Variants in TRHDE observed in about 807,000 individuals in gnomAD.
TRHDE encodes thyrotropin releasing hormone degrading enzyme.
A neutral mutation model predicts 125.7 loss-of-function variants in TRHDE; 72 were observed. The observed-to-expected ratio is 0.57, with a 90% CI of 0.47 to 0.70. The LOEUF (loss-of-function observed/expected upper bound fraction) is 0.70, where lower values mean the gene tolerates loss of function less well. Ranked by LOEUF, TRHDE falls within the 30% of genes least tolerant of loss-of-function variation. TRHDE has a pLI of 0.00. For missense variants in TRHDE, 1,110 were observed against 1,327.1 expected, an observed-to-expected ratio of 0.84 and a Z score of 2.54; for synonymous variants, 509 against 509.1, an observed-to-expected ratio of 1.00 and a Z score of 0.00.
intron 2 of TRHDE, among the ~76,000 whole-genome samples, chr12:72,296,320 C>G (rs547371805): frequency 4.6e-5 from 7 of 152,292 alleles, no homozygotes; most frequent in Middle Eastern, 3.4e-3. Flanking sequence ...AGTATCATCA[C>G]TTTTAAGGAC....
At chr12:72,374,000 A>C (rs1029998911) in intron 2 of TRHDE, among the ~76,000 whole-genome samples, 12 of 152,292 alleles carry the variant, frequency 7.9e-5, no homozygotes, top group Admixed American at 5.9e-4. Context: ...TACTGTATAC[A>C]TAACAGCTTG....
intron 3 of TRHDE, among the ~76,000 whole-genome samples, chr12:72,463,031 T>C (rs1272852586): frequency 6.6e-6 from 1 of 152,218 alleles, no homozygotes; most frequent in Non-Finnish European, 1.5e-5. Context: ...ATTTATTCTG[T>C]TCTGAAACCA....
chr12:72,424,380 T>A (rs1463913023), intron 3 of TRHDE, among the ~76,000 whole-genome samples: 1 of 152,174 alleles, frequency 6.6e-6, no homozygotes, highest in Non-Finnish European at 1.5e-5. Context: ...CATCTTAAAT[T>A]GCTTCAAGCT....
intron 3 of TRHDE, among the ~76,000 whole-genome samples, chr12:72,441,945 T>A (rs1875034992): frequency 1.3e-5 from 2 of 151,920 alleles, no homozygotes; most frequent in East Asian, 3.9e-4. Context: ...CAGAATTTTT[T>A]AGAACATTCC....
intron 9 of TRHDE, 78 bp downstream of exon 9, chr12:72,563,118 TAAC>T: frequency 9.1e-7 from 1 of 1,100,604 alleles, no homozygotes; most frequent in Non-Finnish European, 1.3e-6. Flanking sequence ...AGAGCATTAA[TAAC>T]AAAATTCTGA....
At chr12:72,248,681 TGAGCC>T (rs1878622687) in intron 2 of TRHDE, among the ~76,000 whole-genome samples, 1 of 152,178 alleles carries the variant, frequency 6.6e-6, no homozygotes, top group African/African-American at 2.4e-5. Context: ...GAATTGCTAT[TGAGCC>T]CTCCTGTTCT....
At chr12:72,103,800 A>G (rs2139290683) in intron 1 of TRHDE, among the ~76,000 whole-genome samples, 1 of 152,288 alleles carries the variant, frequency 6.6e-6, no homozygotes, top group Non-Finnish European at 1.5e-5. Context: ...GGATGTAGAA[A>G]ATAATAGTGC....
intron 2 of TRHDE, among the ~76,000 whole-genome samples, chr12:72,304,067 G>C (rs928250387): frequency 1.3e-5 from 2 of 152,128 alleles, no homozygotes; most frequent in South Asian, 4.1e-4. Flanking sequence ...TTGTCACATA[G>C]CTCGTGGATG....
chr12:72,627,837 C>T (rs1380526280), intron 15 of TRHDE, among the ~76,000 whole-genome samples: 1 of 149,790 alleles, frequency 6.7e-6, no homozygotes, highest in Non-Finnish European at 1.5e-5. Context: ...CACACCACCA[C>T]ACCTGGCTAA....
rs185226836 is a variant in TRHDE at position 72,577,247 on chromosome 12, G to C, written c.2321+1705G>C. ...AAAGAAAGCTGTTTTCATTAGCTAA[G>C]AATTATTTAGCACTTTTAAGGAGCC... On this transcript the variant is annotated intron_variant, in intron 12 of 18. Transcript: ENST00000261180. Among the ~76,000 whole-genome samples, 6 of 152,250 alleles carry C rather than the reference G, an allele frequency of 3.9e-5. 1 individual carries two copies. The highest frequency in any genetic ancestry group is 2.4e-5 in the African/African-American group (1 of 41,554).
upstream of TRHDE, among the ~76,000 whole-genome samples, chr12:72,268,851 A>C (rs1208005943): frequency 2.0e-5 from 3 of 152,130 alleles, no homozygotes; most frequent in Non-Finnish European, 4.4e-5. Flanking sequence ...CCCTGAATCA[A>C]ATATGGCCAC....
In TRHDE at chr12:72,653,129, G is replaced by A. The variant is rs1874573068; in HGVS notation, c.2957G>A (p.Arg986Lys). The change falls in exon 17 of 19, where the codon AGG becomes AAG. Residue 986 changes from arginine (R) to lysine (K), a missense_variant. Transcript: ENST00000261180. ...HGRDLAWKFF[R>K]DKWKILNTRY... Reference sequence around the variant, plus strand: ...CGAGACCTTGCCTGGAAGTTTTTCAGGGATAAATGGAAGATATTAAATACC... The same window carrying A: ...CGAGACCTTGCCTGGAAGTTTTTCAAGGATAAATGGAAGATATTAAATACC... 3 of 1,608,542 alleles carry A rather than the reference G, an allele frequency of 1.9e-6. No individual in the cohort carries two copies. Among genetic ancestry groups the A allele is most frequent in the Non-Finnish European group, 2.5e-6 (3 of 1,177,154 alleles).
intron 18 of TRHDE, among the ~76,000 whole-genome samples, chr12:72,660,465 G>T (rs180971846): frequency 6.6e-6 from 1 of 152,090 alleles, no homozygotes; most frequent in African/African-American, 2.4e-5. Context: ...GCCTTCCCTG[G>T]CACTGGCATT....
At position 72,665,678 on chromosome 12, in the gene TRHDE, A is replaced by T. The variant is rs1263782679; in HGVS notation, c.*2483A>T. 2 of 152,020 alleles carry T rather than the reference A, an allele frequency of 1.3e-5. No homozygotes were observed. The highest frequency in any genetic ancestry group is 4.8e-5 in the African/African-American group (2 of 41,440). 9.4% of individuals were successfully genotyped at this position (152,020 alleles called of 1,614,324 possible). Reference sequence around the variant, plus strand: ...CTTTTCTTTTTTGTCGGCTTTACAAATTATATGTATGCATGAAATAACTAA... The same window carrying T: ...CTTTTCTTTTTTGTCGGCTTTACAATTTATATGTATGCATGAAATAACTAA... On this transcript the variant is annotated 3_prime_UTR_variant, in exon 19 of 19. Transcript: ENST00000261180.
intron 6 of TRHDE, among the ~76,000 whole-genome samples, chr12:72,521,566 T>A (rs572769084): frequency 2.6e-4 from 39 of 152,282 alleles, no homozygotes; most frequent in African/African-American, 9.4e-4. Context: ...CATTTTACAA[T>A]AGGATGCAGT....
At chr12:72,294,915 T>C (rs1017531097) in intron 2 of TRHDE, among the ~76,000 whole-genome samples, 3 of 151,824 alleles carry the variant, frequency 2.0e-5, no homozygotes, top group African/African-American at 7.3e-5. Flanking sequence ...CACCCAGCAG[T>C]GCTGTGACAG....
intron 2 of TRHDE, among the ~76,000 whole-genome samples, chr12:72,127,063 A>G (rs547751094): frequency 2.6e-5 from 4 of 152,358 alleles, no homozygotes; most frequent in Non-Finnish European, 5.9e-5. Flanking sequence ...CAAAAAGAAG[A>G]CATAGAAGCA....
intron 1 of TRHDE, among the ~76,000 whole-genome samples, chr12:72,088,917 A>AGTTT (rs1874728289): frequency 2.6e-5 from 4 of 151,976 alleles, no homozygotes; most frequent in Non-Finnish European, 5.9e-5. Flanking sequence ...TCTAATATAG[A>AGTTT]CCTTTCTTCC....
intron 3 of TRHDE, 71 bp from the exon 4 acceptor site, chr12:72,469,687 C>G (rs549238726): frequency 6.6e-7 from 1 of 1,524,598 alleles, no homozygotes; most frequent in Admixed American, 2.0e-5. Context: ...TTTCTGGACA[C>G]TTTTTAGGAT....
Sources: gnomAD v4.1 joint callset for allele counts (sites outside exome capture counted in the v4.1 genomes callset) on GRCh38, gnomAD v4.1.1 for gene constraint, MANE v1.5 for transcripts, NCBI Gene and HGNC (gene_info 2026-07-23, HGNC 2026-07-21) for gene names.